Variants in TMEM135 observed in about 807,000 individuals in gnomAD.
TMEM135 encodes the protein peroxisomal membrane protein 52.
TMEM135 carries 30 observed loss-of-function variants against 60.3 expected under a neutral mutation model. That is an observed-to-expected ratio of 0.50 (90% CI 0.37 to 0.68). The LOEUF is 0.68. Ranked by LOEUF, TMEM135 falls within the 30% of genes least tolerant of loss-of-function variation. The pLI, the probability that TMEM135 is intolerant of heterozygous loss-of-function variation, is 0.00. For synonymous variants in TMEM135, 190 were observed against 186.7 expected, an observed-to-expected ratio of 1.02 and a Z score of -0.14; for missense variants, 468 against 548.8, an observed-to-expected ratio of 0.85 and a Z score of 1.47.
At chr11:87,308,522 A>C (rs1942589250) in intron 9 of TMEM135, among the ~76,000 whole-genome samples, 1 of 152,200 alleles carries the variant, frequency 6.6e-6, no homozygotes, top group South Asian at 2.1e-4. Flanking sequence ...TCTGGAAAAG[A>C]AAGCTGCAGT....
chr11:87,139,505 T>G (rs1366306612), intron 4 of TMEM135, among the ~76,000 whole-genome samples: 1 of 152,192 alleles, frequency 6.6e-6, no homozygotes, highest in Admixed American at 6.5e-5. Context: ...CACTAAAATT[T>G]TGGCTTTTCT....
chr11:87,204,158 T>C (rs76994882), intron 5 of TMEM135, among the ~76,000 whole-genome samples: 13,590 of 148,802 alleles, frequency 0.091, 669 homozygotes, highest in African/African-American at 0.12. Context: ...TCATTGATTT[T>C]GTTTGTTTTT....
rs556606820 is a variant in TMEM135, at chr11:87,158,726, A to G, written c.462+1320A>G. On this transcript the variant is annotated intron_variant, in intron 5 of 14. Transcript: ENST00000305494. Reference sequence around the variant, plus strand: ...TACTCCGCCCGTCTTGGCCTCCCAAAGTGCTGGGATTACAGGCGTGAGCCA... The same window carrying G: ...TACTCCGCCCGTCTTGGCCTCCCAAGGTGCTGGGATTACAGGCGTGAGCCA... Among the ~76,000 whole-genome samples, 118 of 152,240 alleles carry G rather than the reference A, an allele frequency of 7.8e-4. 1 individual carries two copies. Among genetic ancestry groups the G allele is most frequent in the East Asian group, 7.1e-3 (37 of 5,182 alleles).
At chr11:87,152,135 T>C (rs1404149670) in intron 4 of TMEM135, among the ~76,000 whole-genome samples, 1 of 152,216 alleles carries the variant, frequency 6.6e-6, no homozygotes, top group East Asian at 1.9e-4. Flanking sequence ...GCATGTCTTC[T>C]GACTCTTCAG....
chr11:87,194,341 G>C (rs1263029920), intron 5 of TMEM135, among the ~76,000 whole-genome samples: 1 of 152,182 alleles, frequency 6.6e-6, no homozygotes, highest in Admixed American at 6.5e-5. Flanking sequence ...TTATGCTAAA[G>C]TTTGCAGTAT....
chr11:87,100,244 G>T (rs1398036272), intron 4 of TMEM135, among the ~76,000 whole-genome samples: 1 of 152,176 alleles, frequency 6.6e-6, no homozygotes, highest in Non-Finnish European at 1.5e-5. Context: ...GACTATGTCT[G>T]AGGGAAAGTG....
chr11:87,079,082 T>C (rs1856931468), intron 3 of TMEM135, among the ~76,000 whole-genome samples: 2 of 152,330 alleles, frequency 1.3e-5, no homozygotes, highest in South Asian at 2.1e-4. Flanking sequence ...CTTTGCTCAC[T>C]GCAACCTCCA....
intron 1 of TMEM135, among the ~76,000 whole-genome samples, chr11:87,043,169 G>A (rs1381238724): frequency 1.3e-5 from 2 of 151,304 alleles, no homozygotes; most frequent in Admixed American, 1.3e-4. Flanking sequence ...TGGTCAGGTT[G>A]GTTTGGAACT....
intron 6 of TMEM135, among the ~76,000 whole-genome samples, chr11:87,282,896 C>T (rs1942094244): frequency 6.6e-6 from 1 of 152,002 alleles, no homozygotes; most frequent in Non-Finnish European, 1.5e-5. Flanking sequence ...AGCAAGATTC[C>T]ATTATGTGTT....
At chr11:87,241,679 C>A (rs1941137769) in intron 6 of TMEM135, among the ~76,000 whole-genome samples, 1 of 151,998 alleles carries the variant, frequency 6.6e-6, no homozygotes, top group South Asian at 2.1e-4. Flanking sequence ...TTTTTTCCAG[C>A]CTCTGGTAAC....
At position 87,265,195 on chromosome 11, in the gene TMEM135, G is replaced by T. The variant is rs532141359; in HGVS notation, c.509+28511G>T. On this transcript the variant is annotated intron_variant, in intron 6 of 14. Coordinates refer to ENST00000305494, the MANE Select transcript of TMEM135 (RefSeq NM_022918.4). Reference sequence around the variant, plus strand: ...TGCTCATTTTATAAACTGATAGTGAGAAATATAGCTAGAAGCCAAGATTTT... The same window carrying T: ...TGCTCATTTTATAAACTGATAGTGATAAATATAGCTAGAAGCCAAGATTTT... Among the ~76,000 whole-genome samples the T allele has an allele frequency of 5.5e-4, 83 of 152,088 alleles. No homozygotes were observed. The South Asian group carries it at 6.6e-3, about 12-fold the overall frequency.
At position 87,323,095 on chromosome 11, in the gene TMEM135, A is replaced by T; in HGVS notation, c.*1762A>T. On this transcript the variant is annotated 3_prime_UTR_variant, in exon 15 of 15. Coordinates refer to ENST00000305494, the MANE Select transcript of TMEM135 (RefSeq NM_022918.4). ...CTGTCAGGTTTAAAAAGATGTTTTAATTCATAAATTATTGTTTTCATTGAC... is the reference window on the plus strand; with the variant it reads ...CTGTCAGGTTTAAAAAGATGTTTTATTTCATAAATTATTGTTTTCATTGAC... The T allele has an allele frequency of 2.2e-6, 1 of 453,730 alleles. No individual in the cohort carries two copies. Among genetic ancestry groups the T allele is most frequent in the Non-Finnish European group, 4.4e-6 (1 of 226,608 alleles). The allele number at this position is 453,730 out of a possible 1,614,324, so 28.1% of individuals were successfully genotyped here.
In TMEM135 at chr11:87,125,014, T is replaced by C. The variant is rs186818686; in HGVS notation, c.397-32327T>C. Among the ~76,000 whole-genome samples the C allele has an allele frequency of 4.3e-3, 649 of 152,336 alleles. 3 individuals carry two copies. The highest frequency in any genetic ancestry group is 7.1e-3 in the Non-Finnish European group (485 of 68,028). ...CTGAGTAATTGCTCTGTGTCTGGTA[T>C]TGTTTTGAGGCCAGGGCACGAATGA... On this transcript the variant is annotated intron_variant, in intron 4 of 14. Coordinates refer to ENST00000305494, the MANE Select transcript of TMEM135 (RefSeq NM_022918.4).
intron 4 of TMEM135, among the ~76,000 whole-genome samples, chr11:87,103,438 A>G (rs1044694388): frequency 4.8e-5 from 7 of 146,310 alleles, no homozygotes; most frequent in Admixed American, 4.7e-4. Context: ...ATTTTTAGTG[A>G]TGTTGAGCAT....
intron 2 of TMEM135, 52 bp downstream of exon 2, chr11:87,067,873 G>A (rs781317623): frequency 1.2e-6 from 2 of 1,602,404 alleles, no homozygotes; most frequent in African/African-American, 1.3e-5. Context: ...CTATTGAAAT[G>A]GAAACAAGTA....
At chr11:87,167,789 G>T (rs1939102091) in intron 5 of TMEM135, among the ~76,000 whole-genome samples, 1 of 152,066 alleles carries the variant, frequency 6.6e-6, no homozygotes, top group African/African-American at 2.4e-5. Context: ...TTGTGTCTCT[G>T]CCACGTTTTG....
intron 4 of TMEM135, among the ~76,000 whole-genome samples, chr11:87,109,238 G>T (rs940369484): frequency 6.6e-6 from 1 of 152,106 alleles, no homozygotes; most frequent in African/African-American, 2.4e-5. Context: ...CTAAATACGT[G>T]TTCAAAGACC....
At chr11:87,056,345 C>A (rs950107049) in intron 1 of TMEM135, among the ~76,000 whole-genome samples, 1 of 152,174 alleles carries the variant, frequency 6.6e-6, no homozygotes, top group Non-Finnish European at 1.5e-5. Flanking sequence ...CTGGCTTGAA[C>A]ACCTCTAACA....
chr11:87,054,760 G>A (rs12223784), intron 1 of TMEM135, among the ~76,000 whole-genome samples: 9 of 151,886 alleles, frequency 5.9e-5, no homozygotes, highest in Admixed American at 3.9e-4. Flanking sequence ...GATTAGATTC[G>A]ATTTTTAAAC....
Sources: gnomAD v4.1 joint callset for allele counts (sites outside exome capture counted in the v4.1 genomes callset) on GRCh38, gnomAD v4.1.1 for gene constraint, MANE v1.5 for transcripts, NCBI Gene and HGNC (gene_info 2026-07-23, HGNC 2026-07-21) for gene names.